Variants in CENPE observed in about 807,000 individuals in gnomAD.
CENPE encodes the protein centromere-associated protein E.
Under a neutral mutation model 336.1 loss-of-function variants are expected in CENPE, and 145 were observed. That is an observed-to-expected ratio of 0.43 (90% CI 0.38 to 0.50). The LOEUF is 0.50. CENPE is among the 20% of genes least tolerant of loss of function. CENPE has a pLI of 0.00. For synonymous variants in CENPE, 1,013 were observed against 984.8 expected (o/e 1.03, Z -0.54); for missense variants, 2,719 against 3,023.3 (o/e 0.90, Z 2.36).
chr4:103,175,897 C>T lies in CENPE; in HGVS notation c.1479+63G>A, dbSNP rs1303330372. ...ATTAAATGAGAACAAGTAACAAAAC[C>T]TAATAACAAAAGAATTTTAAAAAGA... On this transcript the variant is annotated intron_variant, in intron 15 of 48. Coordinates refer to ENST00000265148, the MANE Select transcript of CENPE (RefSeq NM_001813.3). The T allele has an allele frequency of 3.9e-6, 4 of 1,035,682 alleles. No individual in the cohort carries two copies. In the African/African-American group the frequency reaches 6.6e-5, roughly 17 times the overall value. The allele number at this position is 1,035,682 out of a possible 1,614,324, so 64.2% of individuals were successfully genotyped here.
At chr4:103,159,958 C>T (rs1754298792) in intron 21 of CENPE, among the ~76,000 whole-genome samples, 1 of 151,786 alleles carries the variant, frequency 6.6e-6, no homozygotes, top group Admixed American at 6.6e-5. Context: ...ACGGGCAATA[C>T]AGCGTGTAGC....
At chr4:103,139,657 G>C (rs1026695255) in intron 38 of CENPE, 132 bp downstream of exon 38, 1 of 724,636 alleles carries the variant, frequency 1.4e-6, no homozygotes, top group East Asian at 3.0e-5. Flanking sequence ...GTAAAAATTA[G>C]AGTAACCATT....
chr4:103,188,710 C>A (rs1405748781), intron 8 of CENPE, among the ~76,000 whole-genome samples: 2 of 152,110 alleles, frequency 1.3e-5, no homozygotes, highest in Admixed American at 6.5e-5. Context: ...AAAATTGACA[C>A]CCTAACATCA....
rs546165127 is a variant in CENPE at position 103,177,575 on chromosome 4, C to A, written c.1243-529G>T. On this transcript the variant is annotated intron_variant, in intron 13 of 48. Transcript: ENST00000265148. ...AGATGATACTTGTATCGAGTATCAACCTTACTACATCTTTTTAACAGATGA... is the reference window on the plus strand; with the variant it reads ...AGATGATACTTGTATCGAGTATCAAACTTACTACATCTTTTTAACAGATGA... 5.9e-5 allele frequency among the ~76,000 whole-genome samples: 9 copies of A among 152,016 alleles called. No homozygotes were observed. The East Asian group carries it at 1.4e-3, about 23-fold the overall frequency.
chr4:103,161,491 T>C, intron 18 of CENPE, 34 bp from the exon 19 acceptor site: 3 of 1,524,858 alleles, frequency 2.0e-6, no homozygotes, highest in African/African-American at 2.8e-5. Context: ...CACTGAAATC[T>C]AATTTTCACA....
chr4:103,177,334 G>C (rs1755956424), intron 13 of CENPE, among the ~76,000 whole-genome samples: 1 of 151,638 alleles, frequency 6.6e-6, no homozygotes, highest in Non-Finnish European at 1.5e-5. Flanking sequence ...ACCTTACCCA[G>C]CTGCTGTCCT....
chr4:103,141,072 A>G lies in CENPE; in HGVS notation c.5496T>C (p.Leu1832=). 1 of 1,578,970 alleles carries G rather than the reference A, an allele frequency of 6.3e-7. No individual in the cohort carries two copies. Among genetic ancestry groups the G allele is most frequent in the Non-Finnish European group, 8.6e-7 (1 of 1,160,970 alleles). The change falls in exon 36 of 49, where the codon CTT becomes CTC. Residue 1832 remains leucine (L), a synonymous_variant. Transcript: ENST00000265148. The part of the protein sequence containing the change: ...IQELKANEHQ[L]ITLKKDVNET... ...CATTGACATCTTTTTTTAACGTAAT[A>G]AGTTGATGTTCATTTGCCTTAAGTT...
At chr4:103,139,451 T>C (rs1403395911) in intron 38 of CENPE, among the ~76,000 whole-genome samples, 1 of 152,154 alleles carries the variant, frequency 6.6e-6, no homozygotes, top group African/African-American at 2.4e-5. Flanking sequence ...GGTAGAGAAA[T>C]GGGAATATTT....
rs1752409125 is a variant in CENPE at position 103,140,068 on chromosome 4, A to C, written c.5925T>G (p.Leu1975=). Residue 1975 remains leucine (L), a synonymous_variant, in exon 38 of 49, where the codon CTT becomes CTG. Transcript: ENST00000265148. ...TAAGCAGTTGAAGTTCTTTTTTCTG[A>C]AGTTCTTGGATCTTGAGATAATTGT... The part of the protein sequence containing the change: ...KDELQKKIQE[L]QKKELQLLRV... 1 of 1,599,806 alleles carries C rather than the reference A, an allele frequency of 6.3e-7. No homozygotes were observed.
In CENPE at chr4:103,144,445, G is replaced by A. The variant is rs1752839195; in HGVS notation, c.5031C>T (p.Asn1677=). The change falls in exon 33 of 49, where the codon AAC becomes AAT. Residue 1677 remains asparagine, a synonymous_variant. Transcript: ENST00000265148. The part of the protein sequence containing the change: ...NIRLTQILHE[N]LEEMRSVTKE... ...TTGTTACAGATCTCATTTCTTCAAG[G>A]TTTTCATGTAGTATCTGAGTCAACC... 2 of 1,613,846 alleles carry A rather than the reference G, an allele frequency of 1.2e-6. No individual in the cohort carries two copies. Among genetic ancestry groups the A allele is most frequent in the African/African-American group, 1.3e-5 (1 of 74,868 alleles).
intron 8 of CENPE, among the ~76,000 whole-genome samples, chr4:103,193,432 T>C: frequency 6.6e-6 from 1 of 152,282 alleles, no homozygotes; most frequent in South Asian, 2.1e-4. Context: ...AAACATATTA[T>C]AGATTGCTTT....
At chr4:103,172,214 T>C (rs891972557) in intron 16 of CENPE, among the ~76,000 whole-genome samples, 1 of 151,954 alleles carries the variant, frequency 6.6e-6, no homozygotes, top group Non-Finnish European at 1.5e-5. Context: ...AACAAAATAC[T>C]ATAAAACTGA....
chr4:103,143,705 T>A (rs183876154), intron 33 of CENPE, among the ~76,000 whole-genome samples: 46 of 152,340 alleles, frequency 3.0e-4, no homozygotes, highest in Middle Eastern at 3.4e-3. Context: ...CCCTTACCAA[T>A]GGATGGTTAG....
At chr4:103,186,399 C>A (rs1174898138) in intron 8 of CENPE, among the ~76,000 whole-genome samples, 2 of 152,228 alleles carry the variant, frequency 1.3e-5, no homozygotes, top group Non-Finnish European at 2.9e-5. Context: ...GCTCCTTGAA[C>A]TGCATAACCA....
intron 8 of CENPE, among the ~76,000 whole-genome samples, chr4:103,187,317 A>G (rs557420473): frequency 1.3e-5 from 2 of 152,234 alleles, no homozygotes; most frequent in African/African-American, 2.4e-5. Flanking sequence ...GATACTCCTC[A>G]AGAAGAGCAA....
At chr4:103,191,717 T>A (rs11733939) in intron 8 of CENPE, among the ~76,000 whole-genome samples, 1 of 151,466 alleles carries the variant, frequency 6.6e-6, no homozygotes, top group Non-Finnish European at 1.5e-5. Flanking sequence ...ATGGGTGCAG[T>A]ATACCAACAT....
In CENPE at chr4:103,145,865, G is replaced by A. The variant is rs769846005; in HGVS notation, c.4377C>T (p.Asp1459=). Residue 1459 remains aspartate, a synonymous_variant, in exon 30 of 49, where the codon GAC becomes GAT. Transcript: ENST00000265148. The part of the protein sequence containing the change: ...RLQEVLQSES[D]QLKENIKEIV... ...TTTCTTTTATGTTTTCTTTGAGCTG[G>A]TCACTTTCAGATTGAAGAACTTCTT... The A allele has an allele frequency of 6.2e-7, 1 of 1,611,126 alleles. No individual in the cohort carries two copies. The highest frequency in any genetic ancestry group is 8.5e-7 in the Non-Finnish European group (1 of 1,179,314).
intron 4 of CENPE, 38 bp downstream of exon 4, chr4:103,195,882 T>C: frequency 8.1e-7 from 1 of 1,228,630 alleles, no homozygotes; most frequent in Non-Finnish European, 1.2e-6. Flanking sequence ...TTTACTAGTT[T>C]TACCTGTACG....
intron 25 of CENPE, among the ~76,000 whole-genome samples, chr4:103,152,240 G>A (rs1352623335): frequency 1.3e-5 from 2 of 151,988 alleles, no homozygotes; most frequent in African/African-American, 2.4e-5. Context: ...AATTACAGAA[G>A]AAGATATACA....
Sources: allele counts gnomAD v4.1 joint callset (sites outside exome capture counted in the v4.1 genomes callset), GRCh38; gene constraint gnomAD v4.1.1; transcripts MANE v1.5; gene names NCBI Gene and HGNC (gene_info 2026-07-23, HGNC 2026-07-21).